Variants in EPHA6 observed in about 807,000 individuals in gnomAD.
EPHA6 encodes the protein EPH receptor A6.
In EPHA6, 50 loss-of-function variants were observed where a neutral mutation model predicts 112.0. The ratio of observed to expected loss-of-function variants is 0.45; its 90% CI spans 0.36 to 0.56. The LOEUF (loss-of-function observed/expected upper bound fraction) is 0.56. EPHA6 is among the 20% of genes least tolerant of loss of function. EPHA6 has a pLI of 0.00. For synonymous variants in EPHA6, 529 were observed against 490.7 expected, an observed-to-expected ratio of 1.08 and a Z score of -1.03; for missense variants, 1,280 against 1,417.4, an observed-to-expected ratio of 0.90 and a Z score of 1.56.
Position 97,481,497 on chromosome 3 carries a change from C to T in EPHA6, c.2074+2133C>T, listed in dbSNP as rs1436126815. ...ATAAGGAAGGCACAAACCATAGTTCCGGTTCTTCCTCCGGCGCGGGGCTAA... is the reference window on the plus strand; with the variant it reads ...ATAAGGAAGGCACAAACCATAGTTCTGGTTCTTCCTCCGGCGCGGGGCTAA... On this transcript the variant is annotated intron_variant, in intron 9 of 17. Transcript: ENST00000389672. 36 of 1,123,120 alleles carry T rather than the reference C, an allele frequency of 3.2e-5. 1 individual carries two copies. In the South Asian group the frequency reaches 3.6e-4, roughly 11 times the overall value. The allele number at this position is 1,123,120 out of a possible 1,614,324, so 69.6% of individuals were successfully genotyped here.
At chr3:97,214,408 T>C (rs1246347730) in intron 3 of EPHA6, among the ~76,000 whole-genome samples, 1 of 150,270 alleles carries the variant, frequency 6.7e-6, no homozygotes, top group Non-Finnish European at 1.5e-5. Flanking sequence ...ACAATACTAT[T>C]GCTATACGCC....
At chr3:97,291,292 A>G (rs1193651699) in intron 5 of EPHA6, among the ~76,000 whole-genome samples, 1 of 152,162 alleles carries the variant, frequency 6.6e-6, no homozygotes, top group Non-Finnish European at 1.5e-5. Flanking sequence ...TTTGTTACCT[A>G]CGTATAATCT....
intron 5 of EPHA6, among the ~76,000 whole-genome samples, chr3:97,273,820 C>T (rs1238658095): frequency 1.3e-5 from 2 of 152,098 alleles, no homozygotes; most frequent in Non-Finnish European, 2.9e-5. Flanking sequence ...AAGAAATGAC[C>T]GCAGTGGCCT....
chr3:97,421,914 G>GA (rs200477617), intron 6 of EPHA6, among the ~76,000 whole-genome samples: 2,689 of 149,604 alleles, frequency 0.018, 76 homozygotes, highest in African/African-American at 0.057. Context: ...TATATTGGTA[G>GA]AAAAAAAAAG....
chr3:97,547,692 A>G (rs914470900), intron 11 of EPHA6, among the ~76,000 whole-genome samples: 1 of 152,174 alleles, frequency 6.6e-6, no homozygotes, highest in Admixed American at 6.5e-5. Context: ...GGACTCCTTG[A>G]GCTGTGGTGG....
chr3:97,484,152 G>A, intron 10 of EPHA6, 93 bp downstream of exon 10: 1 of 1,271,838 alleles, frequency 7.9e-7, no homozygotes, highest in Non-Finnish European at 1.0e-6. Flanking sequence ...GGCAGTTTTG[G>A]TCATTGAAAA....
At chr3:97,496,286 A>G (rs1051200035) in intron 10 of EPHA6, among the ~76,000 whole-genome samples, 1 of 152,112 alleles carries the variant, frequency 6.6e-6, no homozygotes, top group Non-Finnish European at 1.5e-5. Context: ...ATCAGGAAAA[A>G]AAAGTCTGTC....
At chr3:97,031,023 G>A (rs1232132736) in intron 3 of EPHA6, among the ~76,000 whole-genome samples, 2 of 151,910 alleles carry the variant, frequency 1.3e-5, no homozygotes, top group African/African-American at 4.8e-5. Flanking sequence ...TTATTCAGGG[G>A]AGGAGTGACT....
intron 2 of EPHA6, among the ~76,000 whole-genome samples, chr3:96,878,198 C>T (rs1041814904): frequency 1.6e-4 from 25 of 151,858 alleles, no homozygotes; most frequent in Non-Finnish European, 4.4e-5. Flanking sequence ...AATTTGTATT[C>T]TTTCTGTTGA....
rs191067075 is a variant in EPHA6, at chr3:96,852,094, A to T, written c.386-14731A>T. 7.6e-4 allele frequency among the ~76,000 whole-genome samples: 116 copies of T among 152,278 alleles called. 1 individual carries two copies. Among genetic ancestry groups the T allele is most frequent in the African/African-American group, 2.7e-3 (112 of 41,566 alleles). On this transcript the variant is annotated intron_variant, in intron 1 of 17. Coordinates refer to ENST00000389672, the MANE Select transcript of EPHA6 (RefSeq NM_001080448.3). ...GGTGATATGGTAGGACCATTTCAGT[A>T]CAATGTGTGATATTTTGGAGTTGAT...
At position 97,690,469 on chromosome 3, in the gene EPHA6, CT is replaced by C. The variant is rs149089843; in HGVS notation, c.2785-29778del. On this transcript the variant is annotated intron_variant, in intron 14 of 17. Coordinates refer to ENST00000389672, the MANE Select transcript of EPHA6 (RefSeq NM_001080448.3). ...TTTGGAACAATGTCTACTTTTCGCC[CT>C]TTTTTTTTTTTTTGGAGACAGAGTT... Among the ~76,000 whole-genome samples the C allele has an allele frequency of 3.9e-3, 554 of 142,218 alleles. 1 individual carries two copies. Among genetic ancestry groups the C allele is most frequent in the African/African-American group, 5.5e-3 (216 of 39,046 alleles). The allele number at this position is 142,218 out of a possible 152,430, so 93.3% of individuals were successfully genotyped here. A position where few individuals can be genotyped will look rare whatever the true frequency, so the allele number is the denominator to read the frequency against.
chr3:96,909,895 T>C (rs1348026161), intron 2 of EPHA6, among the ~76,000 whole-genome samples: 1 of 151,998 alleles, frequency 6.6e-6, no homozygotes, highest in Admixed American at 6.6e-5. Flanking sequence ...TCTCTGAGCA[T>C]ATATTTCTTC....
intron 14 of EPHA6, among the ~76,000 whole-genome samples, chr3:97,666,789 C>T (rs889231995): frequency 6.6e-6 from 1 of 152,164 alleles, no homozygotes. Context: ...TAACAACCCC[C>T]TATGTCTGAG....
intron 11 of EPHA6, among the ~76,000 whole-genome samples, chr3:97,543,512 T>A (rs2092899041): frequency 6.6e-6 from 1 of 152,204 alleles, no homozygotes; most frequent in Non-Finnish European, 1.5e-5. Context: ...GTAGTATAGT[T>A]TGAAGTCAGG....
At chr3:97,136,504 C>T (rs1299283180) in intron 3 of EPHA6, among the ~76,000 whole-genome samples, 1 of 152,002 alleles carries the variant, frequency 6.6e-6, no homozygotes, top group Admixed American at 6.6e-5. Context: ...ATTGCTTAAG[C>T]CCAGGAGTTG....
At chr3:97,461,072 T>C (rs1334189960) in intron 7 of EPHA6, among the ~76,000 whole-genome samples, 4 of 152,174 alleles carry the variant, frequency 2.6e-5, no homozygotes, top group African/African-American at 9.7e-5. Flanking sequence ...CGAAGTTAAC[T>C]ATCACCATAA....
intron 2 of EPHA6, among the ~76,000 whole-genome samples, chr3:96,979,993 C>T (rs1250198646): frequency 6.6e-6 from 1 of 152,100 alleles, no homozygotes; most frequent in East Asian, 1.9e-4. Flanking sequence ...TTCTCCCATT[C>T]TGTAGGTTGC....
At chr3:97,421,360 C>A (rs544688360) in intron 6 of EPHA6, among the ~76,000 whole-genome samples, 1 of 152,098 alleles carries the variant, frequency 6.6e-6, no homozygotes, top group South Asian at 2.1e-4. Flanking sequence ...TATACGTCAG[C>A]ATCAAAAGAA....
intron 2 of EPHA6, among the ~76,000 whole-genome samples, chr3:96,968,326 G>A (rs1170010581): frequency 6.6e-6 from 1 of 150,774 alleles, no homozygotes; most frequent in Non-Finnish European, 1.5e-5. Flanking sequence ...TTGCTTATTG[G>A]ATTTAACTGT....
Sources: allele counts gnomAD v4.1 joint callset (sites outside exome capture counted in the v4.1 genomes callset), GRCh38; gene constraint gnomAD v4.1.1; transcripts MANE v1.5; gene names NCBI Gene and HGNC (gene_info 2026-07-23, HGNC 2026-07-21).